Variants in NLRP4 observed in about 807,000 individuals in gnomAD.
NLRP4 encodes NLR family pyrin domain containing 4, also known as NACHT, LRR and PYD domains-containing protein 4.
In NLRP4, 44 loss-of-function variants were observed where a neutral mutation model predicts 84.7. That is an observed-to-expected ratio of 0.52 (90% CI 0.41 to 0.67). The LOEUF is 0.67. Among genes scored for constraint, NLRP4 ranks in the 30% least tolerant of loss-of-function variants. NLRP4 has a pLI of 0.00. For missense variants in NLRP4, 1,260 were observed against 1,219.4 expected, an observed-to-expected ratio of 1.03 and a Z score of -0.50; for synonymous variants, 544 against 476.4, an observed-to-expected ratio of 1.14 and a Z score of -1.85.
chr19:55,867,741 G>C lies in NLRP4; in HGVS notation c.2219G>C (p.Cys740Ser). ...AATTGTCACCTCTCACCCATTGATT[G>C]TGAAGTCCTTGCTGGCCTTCTAACC... is the stretch of plus-strand genomic sequence containing the variant. Reference protein sequence around the residue: ...LVNCHLSPIDCEVLAGLLTNN... With the variant: ...LVNCHLSPIDSEVLAGLLTNN... The change falls in exon 6 of 10, where the codon TGT becomes TCT. Residue 740 changes from cysteine (C) to serine (S), a missense_variant. Cys to Ser is a moderately radical substitution (Grantham distance 112, BLOSUM62 -1). Around this residue, in one of 3 missense-constraint regions of NLRP4, gnomAD observed 544 missense variants for 531.7 expected, o/e 1.02. Coordinates refer to ENST00000301295, the MANE Select transcript of NLRP4 (RefSeq NM_134444.5). 6.2e-7 allele frequency: 1 copy of C among 1,614,086 alleles called. No homozygotes were observed. The highest frequency in any genetic ancestry group is 1.3e-5 in the African/African-American group (1 of 75,034).
chr19:55,841,337 A>G (rs1373350681), intron 1 of NLRP4, among the ~76,000 whole-genome samples: 3 of 152,084 alleles, frequency 2.0e-5, no homozygotes, highest in South Asian at 2.1e-4. Flanking sequence ...CTCTACTTCT[A>G]TAAGTTCATC....
rs538973084 is a variant in NLRP4, at chr19:55,870,931, A to G, written c.2459A>G (p.Lys820Arg). Residue 820 changes from lysine to arginine, a missense_variant, in exon 7 of 10, where the codon AAG becomes AGG. By Grantham distance (26) the Lys-to-Arg change is conservative. Transcript: ENST00000301295. ...CTAGACCTCAGTGCCAATGTCCTGAAGGACGAAGGACTGAAAACTCTCTGC... is the reference window on the plus strand; with the variant it reads ...CTAGACCTCAGTGCCAATGTCCTGAGGGACGAAGGACTGAAAACTCTCTGC... ...RYLDLSANVLKDEGLKTLCEA... is the reference protein window; with the variant it reads ...RYLDLSANVLRDEGLKTLCEA... 1 of 1,614,018 alleles carries G rather than the reference A, an allele frequency of 6.2e-7. No homozygotes were observed. The highest frequency in any genetic ancestry group is 8.5e-7 in the Non-Finnish European group (1 of 1,179,970).
intron 8 of NLRP4, among the ~76,000 whole-genome samples, chr19:55,877,476 C>T (rs1411555890): frequency 6.6e-6 from 1 of 152,154 alleles, no homozygotes; most frequent in East Asian, 1.9e-4. Flanking sequence ...TGGCTGTCCC[C>T]TTGGGGATGA....
intron 7 of NLRP4, among the ~76,000 whole-genome samples, chr19:55,875,586 A>G (rs1985338326): frequency 1.3e-5 from 2 of 152,214 alleles, no homozygotes; most frequent in Admixed American, 1.3e-4. Context: ...CTAAAAAGTC[A>G]GTTTTCTGTA....
intron 2 of NLRP4, 73 bp downstream of exon 2, chr19:55,852,433 C>A: frequency 1.0e-6 from 1 of 955,902 alleles, no homozygotes; most frequent in South Asian, 1.5e-5. Flanking sequence ...GTGGTCTCTG[C>A]CTGTCTACAA....
At chr19:55,860,352 G>A (rs1186211097) in intron 3 of NLRP4, among the ~76,000 whole-genome samples, 1 of 152,204 alleles carries the variant, frequency 6.6e-6, no homozygotes, top group East Asian at 1.9e-4. Flanking sequence ...TGAGCAGGAG[G>A]ATGCTTGAAG....
intron 1 of NLRP4, among the ~76,000 whole-genome samples, chr19:55,846,222 T>G (rs1281424693): frequency 2.0e-5 from 3 of 152,220 alleles, no homozygotes; most frequent in African/African-American, 7.2e-5. Context: ...AGGGATCCAG[T>G]TTCAGCTTTC....
intron 1 of NLRP4, among the ~76,000 whole-genome samples, chr19:55,850,249 C>A (rs1256122720): frequency 3.0e-5 from 4 of 131,808 alleles, no homozygotes; most frequent in African/African-American, 9.5e-5. Context: ...GGTGTAATTT[C>A]CGAGGCTGCG....
chr19:55,858,913 TA>T lies in NLRP4; in HGVS notation c.1523del (p.Asn508IlefsTer20). On this transcript the variant is annotated frameshift_variant, in exon 3 of 10. Transcript: ENST00000301295. LOFTEE classifies it high-confidence loss of function. The surrounding 1 kb of genome is among the most constrained non-coding windows in gnomAD (Gnocchi z 4.2). The stretch of plus-strand genomic sequence containing the variant: ...TTGGGGTGTTTTCTAACTGGCCTTT[TA>T]AATAAAAAGGAACAAGAAAAACTGG... ...IFLGCFLTGL[L>X]NKKEQEKLDA... The T allele has an allele frequency of 1.2e-6, 2 of 1,614,160 alleles. No individual in the cohort carries two copies. Among genetic ancestry groups the T allele is most frequent in the Non-Finnish European group, 1.7e-6 (2 of 1,180,010 alleles).
At chr19:55,859,309 T>C in intron 3 of NLRP4, 60 bp downstream of exon 3, 8 of 1,410,392 alleles carry the variant, frequency 5.7e-6, no homozygotes, top group Non-Finnish European at 7.7e-6. Flanking sequence ...CCCAAGTGGG[T>C]TTTGCTGAGG....
intron 1 of NLRP4, among the ~76,000 whole-genome samples, chr19:55,845,221 C>A (rs1801316066): frequency 7.3e-6 from 1 of 137,402 alleles, no homozygotes; most frequent in African/African-American, 2.7e-5. Context: ...GTTCCCCTTC[C>A]TGTGTCCATG....
chr19:55,852,476 G>GTT (rs11301833), intron 2 of NLRP4, 116 bp downstream of exon 2: 10,085 of 438,312 alleles, frequency 0.023, 46 homozygotes, highest in African/African-American at 0.047. Flanking sequence ...AAAATATTAG[G>GTT]TTTTTTTTTT....
In NLRP4 at chr19:55,857,718, C is replaced by A. The variant is rs776749054; in HGVS notation, c.325C>A (p.Arg109Ser). The change falls in exon 3 of 10, where the codon CGC becomes AGC. Residue 109 changes from arginine (R) to serine (S), a missense_variant. By Grantham distance (110) the Arg-to-Ser change is moderately radical. Coordinates refer to ENST00000301295, the MANE Select transcript of NLRP4 (RefSeq NM_134444.5). ...AGCTCACGCAAAGCAGAAATTCAGC[C>A]GCTTATGGTCCAGCAAGTCTGTCAC... The part of the protein sequence containing the change: ...YQAHAKQKFS[R>S]LWSSKSVTEI... The A allele has an allele frequency of 6.2e-7, 1 of 1,613,406 alleles. No individual in the cohort carries two copies. Among genetic ancestry groups the A allele is most frequent in the South Asian group, 1.1e-5 (1 of 91,074 alleles).
intron 6 of NLRP4, among the ~76,000 whole-genome samples, chr19:55,869,705 C>T (rs936967184): frequency 2.6e-5 from 4 of 152,004 alleles, no homozygotes; most frequent in East Asian, 1.9e-4. Flanking sequence ...ATATGTGGTT[C>T]GTTCATCACT....
intron 6 of NLRP4, among the ~76,000 whole-genome samples, chr19:55,870,386 A>T (rs976636697): frequency 1.5e-4 from 23 of 152,160 alleles, no homozygotes; most frequent in Admixed American, 5.9e-4. Context: ...AGAGGGCCGG[A>T]CGCGGTGGCT....
chr19:55,842,298 C>T (rs377459), intron 1 of NLRP4, among the ~76,000 whole-genome samples: 14,712 of 152,162 alleles, frequency 0.097, 825 homozygotes, highest in Middle Eastern at 0.14. Context: ...AATAAGAGTT[C>T]GAGTTGACCA....
Position 55,858,553 on chromosome 19 carries a change from GC to G in NLRP4, c.1163del (p.Pro388ArgfsTer9). The G allele has an allele frequency of 6.2e-7, 1 of 1,614,100 alleles. No homozygotes were observed. The highest frequency in any genetic ancestry group is 8.5e-7 in the Non-Finnish European group (1 of 1,180,022). On this transcript the variant is annotated frameshift_variant, in exon 3 of 10. Coordinates refer to ENST00000301295, the MANE Select transcript of NLRP4 (RefSeq NM_134444.5). LOFTEE classifies it high-confidence loss of function. The surrounding 1 kb of genome is among the most constrained non-coding windows in gnomAD (Gnocchi z 4.2). Reference protein sequence around the residue: ...FNLFTPEGAEGPTPQTQHQLK... With the variant: ...FNLFTPEGAEXPTPQTQHQLK... ...CTGTTCACACCTGAGGGTGCCGAGGGCCCGACTCCGCAAACCCAGCACCAGC... is the reference window on the plus strand; with the variant it reads ...CTGTTCACACCTGAGGGTGCCGAGGGCCGACTCCGCAAACCCAGCACCAGC...
In NLRP4 at chr19:55,881,582, A is replaced by T; in HGVS notation, c.2980A>T (p.Ile994Phe). 1 of 1,521,058 alleles carries T rather than the reference A, an allele frequency of 6.6e-7. No homozygotes were observed. The allele number at this position is 1,521,058 out of a possible 1,614,324, so 94.2% of individuals were successfully genotyped here. The change falls in exon 10 of 10, where the codon ATC (isoleucine) becomes TTC (phenylalanine). Residue 994 changes from isoleucine to phenylalanine, a missense_variant. By Grantham distance (21) the Ile-to-Phe change is conservative. Transcript: ENST00000301295. The stretch of plus-strand genomic sequence containing the variant: ...CTGTGACACAATCACAAGGGTAGAG[A>T]TCTGATTGCGAGGAACCTGGGCTCT... ...DDCDTITRVE[I>F]
intron 9 of NLRP4, among the ~76,000 whole-genome samples, chr19:55,879,747 G>T (rs1985515196): frequency 6.6e-6 from 1 of 152,070 alleles, no homozygotes; most frequent in South Asian, 2.1e-4. Context: ...TCTTGGGCTG[G>T]TTTTTGTTAG....
Sources: allele counts gnomAD v4.1 joint callset (sites outside exome capture counted in the v4.1 genomes callset), GRCh38; gene constraint gnomAD v4.1.1; regional missense constraint gnomAD v4.1.1; non-coding constraint Gnocchi (gnomAD v3.1); transcripts MANE v1.5; gene names NCBI Gene and HGNC (gene_info 2026-07-23, HGNC 2026-07-21).